Variants in ARHGAP24 observed in about 807,000 individuals in gnomAD.
The protein encoded by ARHGAP24 is Rho GTPase activating protein 24.
A neutral mutation model predicts 76.4 loss-of-function variants in ARHGAP24; 50 were observed. The observed-to-expected ratio is 0.65, with a 90% CI of 0.52 to 0.83. ARHGAP24 has a LOEUF of 0.83. ARHGAP24 is among the 40% of genes least tolerant of loss of function. ARHGAP24 has a pLI of 0.00. For synonymous variants in ARHGAP24, 345 were observed against 323.3 expected, an observed-to-expected ratio of 1.07 and a Z score of -0.72; for missense variants, 930 against 914.2, an observed-to-expected ratio of 1.02 and a Z score of -0.22.
chr4:85,626,323 C>G (rs1464365840), intron 2 of ARHGAP24, among the ~76,000 whole-genome samples: 3 of 152,134 alleles, frequency 2.0e-5, no homozygotes, highest in African/African-American at 7.2e-5. Context: ...TTCTCCTTCA[C>G]TTATGAAGCT....
chr4:85,930,132 T>A, intron 4 of ARHGAP24: 1 of 627,202 alleles, frequency 1.6e-6, no homozygotes, highest in Non-Finnish European at 2.0e-6. Context: ...CCCTGCCAGC[T>A]CCCTCCCAGT....
chr4:85,925,769 G>A (rs1383621130), intron 4 of ARHGAP24, among the ~76,000 whole-genome samples: 1 of 152,100 alleles, frequency 6.6e-6, no homozygotes, highest in African/African-American at 2.4e-5. Flanking sequence ...TATCCCCTAT[G>A]GATGAGTGGC....
chr4:85,757,835 A>G (rs1456163840), intron 3 of ARHGAP24, among the ~76,000 whole-genome samples: 2 of 152,200 alleles, frequency 1.3e-5, no homozygotes, highest in East Asian at 3.9e-4. Context: ...TCCCACCAAC[A>G]GTGTAAAAGT....
chr4:85,831,948 G>T (rs1175617219), intron 3 of ARHGAP24, among the ~76,000 whole-genome samples: 1 of 151,428 alleles, frequency 6.6e-6, no homozygotes, highest in Non-Finnish European at 1.5e-5. Context: ...CTAAGTCTGT[G>T]TAAGAACTGT....
rs1727948458 is a variant in ARHGAP24 at position 85,588,392 on chromosome 4, A to G, written c.180+17671A>G. On this transcript the variant is annotated intron_variant, in intron 2 of 9. Coordinates refer to ENST00000395184, the MANE Select transcript of ARHGAP24 (RefSeq NM_001025616.3). ...CTGCCCTTCCATGATTCCCTTCTTC[A>G]TTCTCTGCCCAGCCTGGAGGATGGG... Among the ~76,000 whole-genome samples, 3 of 152,146 alleles carry G rather than the reference A, an allele frequency of 2.0e-5. No homozygotes were observed. The South Asian group carries it at 6.2e-4, about 31-fold the overall frequency.
intron 3 of ARHGAP24, among the ~76,000 whole-genome samples, chr4:85,724,734 C>T (rs988136039): frequency 1.1e-4 from 17 of 151,692 alleles, no homozygotes; most frequent in African/African-American, 3.4e-4. Flanking sequence ...AATAAATCTA[C>T]CATGTTTTAG....
At chr4:85,934,397 C>T (rs897322867) in intron 4 of ARHGAP24, among the ~76,000 whole-genome samples, 5 of 152,222 alleles carry the variant, frequency 3.3e-5, no homozygotes, top group African/African-American at 1.2e-4. Context: ...TCTCCATTGT[C>T]TATCTCAACT....
chr4:85,912,975 A>C (rs899620701), intron 3 of ARHGAP24, among the ~76,000 whole-genome samples: 2 of 152,070 alleles, frequency 1.3e-5, no homozygotes, highest in African/African-American at 2.4e-5. Flanking sequence ...AAGAGTGAAA[A>C]ATTTTTTGCA....
chr4:85,736,167 C>G (rs1054107625), intron 3 of ARHGAP24, among the ~76,000 whole-genome samples: 43 of 152,296 alleles, frequency 2.8e-4, no homozygotes, highest in Admixed American at 1.2e-3. Flanking sequence ...AAAAGAAACT[C>G]AATCCTCCCT....
chr4:85,637,131 G>C, intron 2 of ARHGAP24, among the ~76,000 whole-genome samples: 1 of 152,082 alleles, frequency 6.6e-6, no homozygotes, highest in East Asian at 1.9e-4. Context: ...AGAAGTGCAT[G>C]CATTTTTCAT....
At chr4:85,494,546 G>C (rs367896008) in intron 1 of ARHGAP24, among the ~76,000 whole-genome samples, 2 of 151,752 alleles carry the variant, frequency 1.3e-5, no homozygotes, top group Non-Finnish European at 2.9e-5. Flanking sequence ...TTAGCTGGGC[G>C]TGGTGGAGCC....
At chr4:85,579,709 C>T (rs1045121298) in intron 2 of ARHGAP24, among the ~76,000 whole-genome samples, 1 of 152,096 alleles carries the variant, frequency 6.6e-6, no homozygotes, top group African/African-American at 2.4e-5. Context: ...TTAGTGTTCT[C>T]ACTTTCTGAA....
intron 8 of ARHGAP24, among the ~76,000 whole-genome samples, chr4:85,980,343 G>A (rs1385649084): frequency 6.6e-6 from 1 of 152,138 alleles, no homozygotes; most frequent in East Asian, 1.9e-4. Context: ...TATAACTACA[G>A]GGTTTTTATT....
intron 3 of ARHGAP24, among the ~76,000 whole-genome samples, chr4:85,909,917 C>T (rs571448815): frequency 8.5e-5 from 13 of 152,274 alleles, no homozygotes; most frequent in Admixed American, 6.5e-4. Flanking sequence ...TGCTCAGGCC[C>T]GCTGGGCTTT....
At chr4:85,590,161 T>TCTGCCCGC (rs1728025582) in intron 2 of ARHGAP24, among the ~76,000 whole-genome samples, 1 of 143,356 alleles carries the variant, frequency 7.0e-6, no homozygotes, top group African/African-American at 2.7e-5. Context: ...TAACTTTCTT[T>TCTGCCCGC]CTGCCTGCCT....
chr4:85,590,049 T>C (rs950885025), intron 2 of ARHGAP24, among the ~76,000 whole-genome samples: 3 of 152,258 alleles, frequency 2.0e-5, no homozygotes, highest in African/African-American at 4.8e-5. Context: ...TAATACTTAC[T>C]GTGTAATCAC....
At position 85,523,828 on chromosome 4, in the gene ARHGAP24, T is replaced by TA. The variant is rs11304208; in HGVS notation, c.-20-46683dup. Among the ~76,000 whole-genome samples, 584 of 146,540 alleles carry TA rather than the reference T, an allele frequency of 4.0e-3. 4 individuals are homozygous for TA. The highest frequency in any genetic ancestry group is 0.012 in the African/African-American group (506 of 40,704). ...ACCTTGTGGAGGAAGGTTCCTTGGT[T>TA]AAAAAAAAAAAGGCAAAATATTAAA... On this transcript the variant is annotated intron_variant, in intron 1 of 9. Coordinates refer to ENST00000395184, the MANE Select transcript of ARHGAP24 (RefSeq NM_001025616.3).
At chr4:85,696,114 G>T (rs1473126818) in intron 2 of ARHGAP24, among the ~76,000 whole-genome samples, 1 of 152,008 alleles carries the variant, frequency 6.6e-6, no homozygotes, top group African/African-American at 2.4e-5. Context: ...TCTCATTTAG[G>T]ATCCAACAGC....
chr4:85,732,051 C>T (rs1254344808), intron 3 of ARHGAP24, among the ~76,000 whole-genome samples: 2 of 152,216 alleles, frequency 1.3e-5, no homozygotes, highest in East Asian at 3.8e-4. Flanking sequence ...TTTAATTATG[C>T]ATTCTCAGGC....
Sources: gnomAD v4.1 joint callset for allele counts (sites outside exome capture counted in the v4.1 genomes callset) on GRCh38, gnomAD v4.1.1 for gene constraint, MANE v1.5 for transcripts, NCBI Gene and HGNC (gene_info 2026-07-23, HGNC 2026-07-21) for gene names.